ZNF532: variants seen among roughly 807,000 people sequenced by gnomAD.
ZNF532 encodes the protein zinc finger protein 532.
In ZNF532, 22 loss-of-function variants were observed where a neutral mutation model predicts 89.3. The observed-to-expected ratio is 0.25, with a 90% CI of 0.18 to 0.35. ZNF532 has a LOEUF of 0.35. Among genes scored for constraint, ZNF532 ranks in the 10% least tolerant of loss-of-function variants. ZNF532 has a pLI of 1.00. For synonymous variants in ZNF532, 606 were observed against 649.6 expected (o/e 0.93, Z 1.02); for missense variants, 1,132 against 1,643.4 (o/e 0.69, Z 5.38).
intron 9 of ZNF532, among the ~76,000 whole-genome samples, chr18:58,983,486 A>G (rs2147781260): frequency 6.6e-6 from 1 of 152,000 alleles, no homozygotes; most frequent in African/African-American, 2.4e-5. Flanking sequence ...CTTGGCACTC[A>G]CAGCTTCCTA....
intron 8 of ZNF532, 37 bp from the exon 9 acceptor site, chr18:58,981,433 C>A: frequency 1.3e-6 from 2 of 1,595,668 alleles, no homozygotes; most frequent in South Asian, 2.3e-5. Context: ...CTTATTTTGT[C>A]AGCAAGTGCG....
chr18:58,934,292 G>C (rs1480935032), intron 3 of ZNF532, 141 bp from the exon 4 acceptor site: 2 of 723,590 alleles, frequency 2.8e-6, no homozygotes, highest in Non-Finnish European at 4.5e-6. Flanking sequence ...TTTCAAGTTG[G>C]CTTTTCCCTT....
In ZNF532 at chr18:58,918,329, C is replaced by T. The variant is rs1231175359; in HGVS notation, c.42C>T (p.Leu14=). Residue 14 remains leucine (L), a synonymous_variant, in exon 3 of 10, where the codon CTC becomes CTT. Coordinates refer to ENST00000591808, the MANE Select transcript of ZNF532 (RefSeq NM_001375912.1). ...TGAAGACCCCAGACTTTGATGACCT[C>T]CTGGCAGCATTTGACATCCCAGATA... ...GDMKTPDFDD[L]LAAFDIPDMV... The T allele has an allele frequency of 1.9e-6, 3 of 1,614,016 alleles. No individual in the cohort carries two copies. Among genetic ancestry groups the T allele is most frequent in the Non-Finnish European group, 2.5e-6 (3 of 1,180,036 alleles).
chr18:58,876,026 G>A (rs191364687), intron 2 of ZNF532, among the ~76,000 whole-genome samples: 222 of 144,496 alleles, frequency 1.5e-3, no homozygotes, highest in African/African-American at 4.8e-3. Context: ...TCTGCCTCCC[G>A]GGTTCATGCC....
chr18:58,942,349 CCCTT>C (rs1179053195), intron 5 of ZNF532, among the ~76,000 whole-genome samples: 3,145 of 42,836 alleles, frequency 0.073, 184 homozygotes, highest in Middle Eastern at 0.11. Context: ...CTCCCTCCCT[CCCTT>C]CCTTCCTTCC....
At chr18:58,934,322 G>A (rs2062191794) in intron 3 of ZNF532, 111 bp from the exon 4 acceptor site, 1 of 987,866 alleles carries the variant, frequency 1.0e-6, no homozygotes, top group African/African-American at 1.6e-5. Flanking sequence ...ATCAATTACT[G>A]TAGTGTTTGA....
chr18:58,891,424 G>A (rs1425041813), intron 2 of ZNF532, among the ~76,000 whole-genome samples: 1 of 152,178 alleles, frequency 6.6e-6, no homozygotes, highest in African/African-American at 2.4e-5. Flanking sequence ...CAGCTACTTG[G>A]GTGGCTGAGG....
chr18:58,973,890 T>A (rs772363350), intron 7 of ZNF532, among the ~76,000 whole-genome samples: 1 of 152,106 alleles, frequency 6.6e-6, no homozygotes, highest in East Asian at 1.9e-4. Flanking sequence ...GACTCAAAGC[T>A]TCACGTGTAC....
In ZNF532 at chr18:58,918,782, G is replaced by A. The variant is rs765913164; in HGVS notation, c.495G>A (p.Thr165=). 134 of 1,614,070 alleles carry A rather than the reference G, an allele frequency of 8.3e-5. No homozygotes were observed. The highest frequency in any genetic ancestry group is 1.1e-4 in the Non-Finnish European group (133 of 1,180,052). Residue 165 remains threonine (T), a synonymous_variant, in exon 3 of 10, where the codon ACG becomes ACA. Coordinates refer to ENST00000591808, the MANE Select transcript of ZNF532 (RefSeq NM_001375912.1). ...MRSSFRSNVL[T]GSAPQQDYDK... Reference sequence around the variant, plus strand: ...CAAGCTTCAGGTCGAATGTGTTGACGGGGTCGGCTCCCCAGCAGGACTACG... The same window carrying A: ...CAAGCTTCAGGTCGAATGTGTTGACAGGGTCGGCTCCCCAGCAGGACTACG...
chr18:58,903,695 G>A (rs536743051), intron 2 of ZNF532, among the ~76,000 whole-genome samples: 32 of 152,234 alleles, frequency 2.1e-4, no homozygotes, highest in Non-Finnish European at 2.1e-4. Context: ...AAGAGATGAC[G>A]AAGTTAGTTT....
intron 5 of ZNF532, among the ~76,000 whole-genome samples, chr18:58,946,299 T>C (rs2063652809): frequency 6.6e-6 from 1 of 150,632 alleles, no homozygotes; most frequent in Non-Finnish European, 1.5e-5. Context: ...TAGTTTTTTT[T>C]TTTTTTTTTT....
At chr18:58,944,857 C>T (rs939506278) in intron 5 of ZNF532, among the ~76,000 whole-genome samples, 3 of 152,142 alleles carry the variant, frequency 2.0e-5, no homozygotes, top group Non-Finnish European at 2.9e-5. Flanking sequence ...CGGTTGTTAG[C>T]GTTGCAGTCA....
At position 58,919,778 on chromosome 18, in the gene ZNF532, C is replaced by G. The variant is rs1338842503; in HGVS notation, c.1491C>G (p.Ala497=). The change falls in exon 3 of 10, where the codon GCC becomes GCG. Residue 497 remains alanine, a synonymous_variant. Transcript: ENST00000591808. The surrounding 1 kb of genome is among the most constrained non-coding windows in gnomAD (Gnocchi z 6.1). ...CCAGCAGCGCCATCATTAAAGCTGC[C>G]AACGCCATCCAGCAGCAAACTGTCG... ...QSASSAIIKA[A]NAIQQQTVVV... is the part of the protein sequence containing the mutation. 1 of 1,614,108 alleles carries G rather than the reference C, an allele frequency of 6.2e-7. No homozygotes were observed. Among genetic ancestry groups the G allele is most frequent in the South Asian group, 1.1e-5 (1 of 91,068 alleles).
intron 2 of ZNF532, among the ~76,000 whole-genome samples, chr18:58,873,642 CG>C (rs2057179477): frequency 6.6e-6 from 1 of 151,942 alleles, no homozygotes; most frequent in Admixed American, 6.6e-5. Flanking sequence ...TTAGTAGAGA[CG>C]GGGTAACACC....
intron 7 of ZNF532, chr18:58,954,233 G>A (rs1385297274): frequency 2.0e-6 from 2 of 988,480 alleles, no homozygotes; most frequent in East Asian, 1.1e-4. Context: ...GAGTTTGGTA[G>A]TGGGAAGAGG....
intron 3 of ZNF532, 32 bp downstream of exon 3, chr18:58,920,665 T>C: frequency 6.5e-7 from 1 of 1,539,272 alleles, no homozygotes; most frequent in Non-Finnish European, 8.8e-7. Context: ...TGTGTTTCAG[T>C]GATGAGTCTG....
intron 5 of ZNF532, among the ~76,000 whole-genome samples, chr18:58,946,366 C>G (rs1172895589): frequency 6.7e-6 from 1 of 148,806 alleles, no homozygotes; most frequent in Non-Finnish European, 1.5e-5. Flanking sequence ...GATCTCAGCT[C>G]ACTGCAACCT....
At chr18:58,905,315 T>C (rs1444801490) in intron 2 of ZNF532, among the ~76,000 whole-genome samples, 2 of 152,212 alleles carry the variant, frequency 1.3e-5, no homozygotes, top group African/African-American at 4.8e-5. Context: ...CAATATTCTT[T>C]GGAAGTAAAA....
chr18:58,940,561 G>T (rs2062898757), intron 5 of ZNF532: 2 of 152,196 alleles, frequency 1.3e-5, no homozygotes, highest in African/African-American at 4.8e-5. Flanking sequence ...CCGGCTGGGT[G>T]ACCTGGGACC....
Sources: gnomAD v4.1 joint callset for allele counts (sites outside exome capture counted in the v4.1 genomes callset) on GRCh38, gnomAD v4.1.1 for gene constraint, Gnocchi (gnomAD v3.1) non-coding constraint, MANE v1.5 for transcripts, NCBI Gene and HGNC (gene_info 2026-07-23, HGNC 2026-07-21) for gene names.